The following WDR33 variants were observed in gnomAD, a reference collection of about 807,000 sequenced individuals.
WDR33 encodes the protein pre-mRNA 3' end processing protein WDR33.
In WDR33, 47 loss-of-function variants were observed where a neutral mutation model predicts 164.9. The ratio of observed to expected loss-of-function variants is 0.29; its 90% CI spans 0.23 to 0.36. The LOEUF is 0.36. Among genes scored for constraint, WDR33 ranks in the 10% least tolerant of loss-of-function variants. WDR33 has a pLI of 1.00. For missense variants in WDR33, 1,137 were observed against 1,754.1 expected (o/e 0.65, Z 6.28); for synonymous variants, 505 against 589.0 (o/e 0.86, Z 2.06).
In WDR33 at chr2:127,796,906, G is replaced by A. The variant is rs187814826; in HGVS notation, c.-24+14106C>T. Among the ~76,000 whole-genome samples the A allele has an allele frequency of 1.6e-4, 24 of 152,102 alleles. 1 individual carries two copies. The highest frequency in any genetic ancestry group is 5.8e-4 in the African/African-American group (24 of 41,422). ...AAATAATTAACCGGAAAAACTGTCT[G>A]TTTCCCCAAGGTCAAACCATAATCA... On this transcript the variant is annotated intron_variant, in intron 1 of 21. Transcript: ENST00000322313.
At position 127,708,811 on chromosome 2, in the gene WDR33, C is replaced by T. The variant is rs375979499; in HGVS notation, c.3647G>A (p.Arg1216His). ...GTCCATGCCTTGGAGAGAAGAGGAG[C>T]GTTCTCTGCTGGCTGGGGAATGACC... is the stretch of plus-strand genomic sequence containing the variant. The part of the protein sequence containing the change: ...HDGHSPASRE[R>H]SSSLQGMDMA... Residue 1216 changes from arginine to histidine, a missense_variant, in exon 21 of 22, where the codon CGC (arginine) becomes CAC (histidine). Around this residue, in one of 9 missense-constraint regions of WDR33, gnomAD observed 867 missense variants for 1,073.0 expected, o/e 0.81. Coordinates refer to ENST00000322313, the MANE Select transcript of WDR33 (RefSeq NM_018383.5). This position sits in a 1 kb window ranked among gnomAD's most constrained non-coding sequence, Gnocchi z 6.7. The T allele has an allele frequency of 2.0e-5, 32 of 1,613,030 alleles. No individual in the cohort carries two copies. Among genetic ancestry groups the T allele is most frequent in the Admixed American group, 6.7e-5 (4 of 59,866 alleles).
In WDR33 at chr2:127,789,914, C is replaced by T. The variant is rs372350818; in HGVS notation, c.-23-18910G>A. Among the ~76,000 whole-genome samples the T allele has an allele frequency of 4.2e-4, 64 of 152,004 alleles. No individual in the cohort carries two copies. The South Asian group carries it at 0.012, about 30-fold the overall frequency. On this transcript the variant is annotated intron_variant, in intron 1 of 21. Transcript: ENST00000322313. ...GCAGTGGTGTGATCTCGGCTCACTG[C>T]AGCCTCCGCCTCCCAGGCTCAAGCA...
At position 127,709,866 on chromosome 2, in the gene WDR33, G is replaced by C. The variant is rs1229668405; in HGVS notation, c.3309-10C>G. ...GGCTCCTCTTCTGAAACTGTAAAGA[G>C]AAAACAGCAGAATGTCCATCTCAGA... On this transcript the variant is annotated splice_polypyrimidine_tract_variant and intron_variant, in intron 18 of 21. Transcript: ENST00000322313. The surrounding 1 kb of genome is among the most constrained non-coding windows in gnomAD (Gnocchi z 5.0). 6 of 1,612,826 alleles carry C rather than the reference G, an allele frequency of 3.7e-6. No individual in the cohort carries two copies. In the African/African-American group the frequency reaches 8.0e-5, roughly 22 times the overall value.
intron 1 of WDR33, among the ~76,000 whole-genome samples, chr2:127,783,730 G>A (rs893895278): frequency 1.4e-5 from 2 of 147,194 alleles, no homozygotes; most frequent in African/African-American, 5.1e-5. Context: ...TCAGTCTCCC[G>A]AGTAGATGAG....
rs1685896035 is a variant in WDR33, at chr2:127,701,881, TG to T, written c.*4441del. Reference sequence around the variant, plus strand: ...CTGCTCTGGTCACTGGGCTCGGCGCTGGCGTTGGCGGGAAGCGCGCTGCTGC... The same window carrying T: ...CTGCTCTGGTCACTGGGCTCGGCGCTGCGTTGGCGGGAAGCGCGCTGCTGC... On this transcript the variant is annotated 3_prime_UTR_variant, in exon 22 of 22. Coordinates refer to ENST00000322313, the MANE Select transcript of WDR33 (RefSeq NM_018383.5). The T allele has an allele frequency of 1.4e-6, 2 of 1,457,322 alleles. No homozygotes were observed. The highest frequency in any genetic ancestry group is 1.8e-6 in the Non-Finnish European group (2 of 1,110,610). The allele number at this position is 1,457,322 out of a possible 1,614,324, so 90.3% of individuals were successfully genotyped here.
At chr2:127,762,904 T>C (rs1687719727) in intron 7 of WDR33, 158 bp downstream of exon 7, 2 of 1,422,682 alleles carry the variant, frequency 1.4e-6, no homozygotes, top group Non-Finnish European at 1.8e-6. Flanking sequence ...TGACTGTGAG[T>C]CAGAGAAAGT....
In WDR33 at chr2:127,719,247, G is replaced by A; in HGVS notation, c.2760+18C>T. 1 of 1,403,452 alleles carries A rather than the reference G, an allele frequency of 7.1e-7. No homozygotes were observed. Among genetic ancestry groups the A allele is most frequent in the South Asian group, 2.0e-5 (1 of 50,336 alleles). The allele number at this position is 1,403,452 out of a possible 1,614,324, so 86.9% of individuals were successfully genotyped here. A position where few individuals can be genotyped will look rare whatever the true frequency, so the allele number is the denominator to read the frequency against. On this transcript the variant is annotated intron_variant, in intron 16 of 21. Coordinates refer to ENST00000322313, the MANE Select transcript of WDR33 (RefSeq NM_018383.5). This position sits in a 1 kb window ranked among gnomAD's most constrained non-coding sequence, Gnocchi z 6.5. ...GTGTATTTTCCCAATGTGCCCGTGA[G>A]TTGGAAATGAATAATACCTGGTTGA...
chr2:127,745,255 T>C (rs1239594741), intron 7 of WDR33, among the ~76,000 whole-genome samples: 2 of 152,172 alleles, frequency 1.3e-5, no homozygotes, highest in Non-Finnish European at 2.9e-5. Context: ...AAAAATCACA[T>C]AACTGTGCTA....
chr2:127,722,881 C>A lies in WDR33; in HGVS notation c.1378+77G>T. On this transcript the variant is annotated intron_variant, in intron 13 of 21. Coordinates refer to ENST00000322313, the MANE Select transcript of WDR33 (RefSeq NM_018383.5). This position sits in a 1 kb window ranked among gnomAD's most constrained non-coding sequence, Gnocchi z 5.1. ...CTCAACATAAATCATTTTGGTATTT[C>A]AATATATTTATCAGGAACATAAACG... 2 of 1,431,444 alleles carry A rather than the reference C, an allele frequency of 1.4e-6. No homozygotes were observed. Among genetic ancestry groups the A allele is most frequent in the South Asian group, 2.7e-5 (2 of 73,384 alleles). The allele number at this position is 1,431,444 out of a possible 1,614,324, so 88.7% of individuals were successfully genotyped here. A position where few individuals can be genotyped will look rare whatever the true frequency, so the allele number is the denominator to read the frequency against.
rs1573883091 is a variant in WDR33, at chr2:127,717,382, C to T, written c.2761-119G>A. The T allele has an allele frequency of 2.5e-6, 2 of 789,764 alleles. No homozygotes were observed. Among genetic ancestry groups the T allele is most frequent in the Non-Finnish European group, 3.7e-6 (2 of 535,200 alleles). The allele number at this position is 789,764 out of a possible 1,614,324, so 48.9% of individuals were successfully genotyped here. A position where few individuals can be genotyped will look rare whatever the true frequency, so the allele number is the denominator to read the frequency against. On this transcript the variant is annotated intron_variant, in intron 16 of 21. Coordinates refer to ENST00000322313, the MANE Select transcript of WDR33 (RefSeq NM_018383.5). This position sits in a 1 kb window ranked among gnomAD's most constrained non-coding sequence, Gnocchi z 5.6. ...AGTAAATATTTACCTAGTAAGATTA[C>T]AGTAACATTGTCCTTAAATCAGGAG...
intron 18 of WDR33, among the ~76,000 whole-genome samples, chr2:127,711,403 C>T (rs1386090442): frequency 3.0e-5 from 4 of 133,960 alleles, no homozygotes; most frequent in African/African-American, 5.8e-5. Context: ...CCAGCCTGAG[C>T]GACAAAGCAA....
At chr2:127,732,366 A>C (rs1686733681) in intron 7 of WDR33, among the ~76,000 whole-genome samples, 1 of 151,368 alleles carries the variant, frequency 6.6e-6, no homozygotes, top group Non-Finnish European at 1.5e-5. Flanking sequence ...TGGGAAGTTG[A>C]GCACAGGAGG....
chr2:127,774,825 G>A (rs948753187), intron 1 of WDR33, among the ~76,000 whole-genome samples: 2 of 150,378 alleles, frequency 1.3e-5, no homozygotes, highest in African/African-American at 2.4e-5. Context: ...GTGAGACTCC[G>A]TCTCAAAAAA....
rs1686402774 is a variant in WDR33 at position 127,720,211 on chromosome 2, T to C, written c.1814A>G (p.His605Arg). The stretch of plus-strand genomic sequence containing the variant: ...GTTCATTGGCATCTGCTGAGATGGA[T>C]GGGGCTGTTGAAAACCTTGAGGAAT... The part of the protein sequence containing the change: ...SQIPQGFQQP[H>R]PSQQMPMNMA... The change falls in exon 16 of 22, where the codon CAT becomes CGT. Residue 605 changes from histidine to arginine, a missense_variant. Physicochemically the swap from His to Arg is conservative, Grantham distance 29 (BLOSUM62 0). Around this residue, in one of 9 missense-constraint regions of WDR33, gnomAD observed 867 missense variants for 1,073.0 expected, o/e 0.81. Transcript: ENST00000322313. This position sits in a 1 kb window ranked among gnomAD's most constrained non-coding sequence, Gnocchi z 5.9. 1 of 1,606,162 alleles carries C rather than the reference T, an allele frequency of 6.2e-7. No individual in the cohort carries two copies. The highest frequency in any genetic ancestry group is 1.7e-5 in the Admixed American group (1 of 58,818).
chr2:127,778,729 G>T (rs1201966014), intron 1 of WDR33, among the ~76,000 whole-genome samples: 1 of 152,086 alleles, frequency 6.6e-6, no homozygotes, highest in Non-Finnish European at 1.5e-5. Flanking sequence ...CAAGGGCAGG[G>T]GGTGTCAGGG....
rs1688175436 is a variant in WDR33 at position 127,776,080 on chromosome 2, G to GTT, written c.-23-5077_-23-5076insAA. ...TGTGTCCCCTCAAAAATTCACAAAT[G>GTT]TAAGTCCTAACCTCCAGTACCTCAC... On this transcript the variant is annotated intron_variant, in intron 1 of 21. Transcript: ENST00000322313. Among the ~76,000 whole-genome samples, 5 of 152,282 alleles carry GTT rather than the reference G, an allele frequency of 3.3e-5. No individual in the cohort carries two copies. In the South Asian group the frequency reaches 1.0e-3, roughly 32 times the overall value.
In WDR33 at chr2:127,719,455, C is replaced by G; in HGVS notation, c.2570G>C (p.Gly857Ala). Residue 857 changes from glycine to alanine, a missense_variant, in exon 16 of 22, where the codon GGC (glycine) becomes GCC (alanine). This residue lies in a region of WDR33 where 867 missense variants were observed against 1,073.0 expected (regional missense o/e 0.81). Transcript: ENST00000322313. This position sits in a 1 kb window ranked among gnomAD's most constrained non-coding sequence, Gnocchi z 6.5. ...GGGCGGCCCCTGCTGACTTTGTGAG[C>G]CTGGAGGCCCTCGCAATTCCTGGGG... The part of the protein sequence containing the change: ...GPPQELRGPP[G>A]SQSQQGPPQG... The G allele has an allele frequency of 6.3e-7, 1 of 1,584,652 alleles. No homozygotes were observed. Among genetic ancestry groups the G allele is most frequent in the Non-Finnish European group, 8.6e-7 (1 of 1,164,016 alleles).
At chr2:127,746,999 G>A (rs902011664) in intron 7 of WDR33, among the ~76,000 whole-genome samples, 4 of 152,136 alleles carry the variant, frequency 2.6e-5, no homozygotes, top group African/African-American at 7.2e-5. Context: ...GTAAATATAC[G>A]ATTATAGAAG....
chr2:127,789,993 GC>G (rs1030976623), intron 1 of WDR33, among the ~76,000 whole-genome samples: 2 of 151,982 alleles, frequency 1.3e-5, no homozygotes, highest in Non-Finnish European at 1.5e-5. Flanking sequence ...ATGCCACCAC[GC>G]CTGGCTAATT....
Sources: gnomAD v4.1 joint callset for allele counts (sites outside exome capture counted in the v4.1 genomes callset) on GRCh38, gnomAD v4.1.1 for gene constraint, gnomAD v4.1.1 regional missense constraint, Gnocchi (gnomAD v3.1) non-coding constraint, MANE v1.5 for transcripts, NCBI Gene and HGNC (gene_info 2026-07-23, HGNC 2026-07-21) for gene names.